Variants in KCNQ5 observed in about 807,000 individuals in gnomAD.
KCNQ5 encodes potassium voltage-gated channel subfamily Q member 5.
A neutral mutation model predicts 98.2 loss-of-function variants in KCNQ5; 30 were observed. The ratio of observed to expected loss-of-function variants is 0.31; its 90% CI spans 0.23 to 0.41. The LOEUF is 0.41. KCNQ5 is among the 10% of genes least tolerant of loss of function. KCNQ5 has a pLI of 1.00. For synonymous variants in KCNQ5, 458 were observed against 449.4 expected (o/e 1.02, Z -0.24); for missense variants, 835 against 1,182.5 (o/e 0.71, Z 4.31).
chr6:73,100,541 C>A (rs531874148), intron 5 of KCNQ5, among the ~76,000 whole-genome samples: 4 of 151,524 alleles, frequency 2.6e-5, no homozygotes, highest in Non-Finnish European at 4.4e-5. Context: ...TGGTGGCAGG[C>A]GCCTGTAGTC....
At chr6:73,092,180 G>C (rs1298452141) in intron 5 of KCNQ5, among the ~76,000 whole-genome samples, 1 of 151,526 alleles carries the variant, frequency 6.6e-6, no homozygotes, top group Non-Finnish European at 1.5e-5. Flanking sequence ...TTCTCAGCTT[G>C]GTCGCTGTTG....
chr6:73,146,626 C>CAAAAAAA lies in KCNQ5; in HGVS notation c.1468+13006_1468+13012dup, dbSNP rs58798764. Among the ~76,000 whole-genome samples the CAAAAAAA allele has an allele frequency of 1.4e-3, 41 of 28,480 alleles. 7 individuals carry two copies. Among genetic ancestry groups the CAAAAAAA allele is most frequent in the African/African-American group, 3.5e-3 (37 of 10,658 alleles). The allele number at this position is 28,480 out of a possible 152,430, so 18.7% of individuals were successfully genotyped here. On this transcript the variant is annotated intron_variant, in intron 10 of 13. Transcript: ENST00000370398. ...TGGGCAACAGAACAAGTCCCTGTCT[C>CAAAAAAA]AAAAAAAAAAAAAAAAAAAAAAAAA...
rs530738207 is a variant in KCNQ5 at position 72,826,885 on chromosome 6, C to G, written c.399-177023C>G. 8.5e-5 allele frequency among the ~76,000 whole-genome samples: 13 copies of G among 152,248 alleles called. No individual in the cohort carries two copies. In the South Asian group the frequency reaches 2.5e-3, roughly 29 times the overall value. ...TCTCCCTATCCCTCCCTTCCCCCTA[C>G]CCTCCCAAGCCTCCAGTTTCCTCTG... On this transcript the variant is annotated intron_variant, in intron 1 of 13. Coordinates refer to ENST00000370398, the MANE Select transcript of KCNQ5 (RefSeq NM_019842.4).
chr6:72,988,056 TG>T (rs988628673), intron 1 of KCNQ5, among the ~76,000 whole-genome samples: 3 of 152,140 alleles, frequency 2.0e-5, no homozygotes, highest in Non-Finnish European at 4.4e-5. Context: ...AGCTCATGTT[TG>T]GGGAGCCAGG....
intron 5 of KCNQ5, among the ~76,000 whole-genome samples, chr6:73,099,043 T>C (rs1470570451): frequency 6.6e-6 from 1 of 152,170 alleles, no homozygotes; most frequent in Non-Finnish European, 1.5e-5. Flanking sequence ...TTTCTTTTTG[T>C]TTATTTGTTT....
Position 73,133,484 on chromosome 6 carries a change from C to T in KCNQ5, c.1311C>T (p.Ser437=), listed in dbSNP as rs146011748. ...GCCCCAGGGGCCAGAGTATTAAGAG[C>T]CGACAAGCCTCAGTAGGTGACAGGA... is the stretch of plus-strand genomic sequence containing the variant. ...MASPRGQSIK[S]RQASVGDRRS... Residue 437 remains serine (S), a synonymous_variant, in exon 10 of 14, where the codon AGC becomes AGT. Coordinates refer to ENST00000370398, the MANE Select transcript of KCNQ5 (RefSeq NM_019842.4). 1,648 of 1,614,114 alleles carry T rather than the reference C, an allele frequency of 1.0e-3. 24 individuals are homozygous for T. Among genetic ancestry groups the T allele is most frequent in the South Asian group, 0.01 (915 of 91,080 alleles).
chr6:73,149,728 C>T (rs1218168168), intron 10 of KCNQ5, among the ~76,000 whole-genome samples: 2 of 144,664 alleles, frequency 1.4e-5, no homozygotes, highest in Non-Finnish European at 3.0e-5. Context: ...ACCTGGCAGG[C>T]GGAGGCTGCA....
chr6:72,798,107 C>T (rs953570350), intron 1 of KCNQ5, among the ~76,000 whole-genome samples: 6 of 152,154 alleles, frequency 3.9e-5, no homozygotes, highest in Non-Finnish European at 8.8e-5. Context: ...TCCTCTAATA[C>T]TTAAAAAACA....
intron 1 of KCNQ5, among the ~76,000 whole-genome samples, chr6:72,650,790 A>T (rs1582047687): frequency 1.3e-5 from 2 of 152,118 alleles, no homozygotes; most frequent in Non-Finnish European, 2.9e-5. Context: ...AGAAAGAAAT[A>T]TTCCTAGCCT....
intron 10 of KCNQ5, among the ~76,000 whole-genome samples, chr6:73,154,655 C>A (rs1777283870): frequency 6.6e-6 from 1 of 152,062 alleles, no homozygotes; most frequent in Non-Finnish European, 1.5e-5. Flanking sequence ...GATTGCATTT[C>A]CACCTAAAAA....
At chr6:72,752,899 T>A (rs1771758600) in intron 1 of KCNQ5, among the ~76,000 whole-genome samples, 1 of 152,132 alleles carries the variant, frequency 6.6e-6, no homozygotes, top group Non-Finnish European at 1.5e-5. Flanking sequence ...AATGAATTGA[T>A]CGAGGTTCTT....
At chr6:73,071,562 C>T (rs988410083) in intron 3 of KCNQ5, among the ~76,000 whole-genome samples, 2 of 152,210 alleles carry the variant, frequency 1.3e-5, no homozygotes, top group Non-Finnish European at 2.9e-5. Flanking sequence ...ATGGTGCCTG[C>T]ATCTGCTCCT....
chr6:72,987,323 G>A lies in KCNQ5; in HGVS notation c.399-16585G>A, dbSNP rs542219769. 302 of 704,730 alleles carry A rather than the reference G, an allele frequency of 4.3e-4. 2 individuals are homozygous for A. In the African/African-American group the frequency reaches 4.5e-3, roughly 11 times the overall value. The allele number at this position is 704,730 out of a possible 1,614,324, so 43.7% of individuals were successfully genotyped here. ...AAAAGAAAGGCAACATGGACGAGGC[G>A]CACATAGACCAGGTGAGGCGAAAGG... On this transcript the variant is annotated intron_variant, in intron 1 of 13. Transcript: ENST00000370398.
At chr6:72,773,295 G>A (rs973216230) in intron 1 of KCNQ5, among the ~76,000 whole-genome samples, 4 of 152,220 alleles carry the variant, frequency 2.6e-5, no homozygotes, top group South Asian at 2.1e-4. Context: ...GGAATACTAC[G>A]CAGCCATAAA....
intron 1 of KCNQ5, among the ~76,000 whole-genome samples, chr6:72,893,389 G>A (rs1452675626): frequency 1.3e-5 from 2 of 152,148 alleles, no homozygotes; most frequent in Admixed American, 6.5e-5. Flanking sequence ...GTGTGACAAT[G>A]GGCAGGAAAC....
chr6:73,076,323 A>T (rs1773541032), intron 3 of KCNQ5, among the ~76,000 whole-genome samples: 1 of 152,200 alleles, frequency 6.6e-6, no homozygotes, highest in Non-Finnish European at 1.5e-5. Flanking sequence ...GTGGAAGCCC[A>T]GTCATGCACA....
At chr6:73,112,470 C>T (rs1422448843) in intron 7 of KCNQ5, among the ~76,000 whole-genome samples, 3 of 151,970 alleles carry the variant, frequency 2.0e-5, no homozygotes, top group Non-Finnish European at 2.9e-5. Flanking sequence ...CTCAGCCTCC[C>T]GAGTAGCTGG....
chr6:72,731,996 T>C (rs1177767996), intron 1 of KCNQ5, among the ~76,000 whole-genome samples: 1 of 152,244 alleles, frequency 6.6e-6, no homozygotes, highest in Non-Finnish European at 1.5e-5. Context: ...TAGATATTGC[T>C]GCTTTGATTT....
At chr6:72,812,503 A>G (rs368891896) in intron 1 of KCNQ5, among the ~76,000 whole-genome samples, 1 of 152,230 alleles carries the variant, frequency 6.6e-6, no homozygotes, top group African/African-American at 2.4e-5. Flanking sequence ...GATGGATTTA[A>G]TGGCAAAACC....
Sources: gnomAD v4.1 joint callset for allele counts (sites outside exome capture counted in the v4.1 genomes callset) on GRCh38, gnomAD v4.1.1 for gene constraint, MANE v1.5 for transcripts, NCBI Gene and HGNC (gene_info 2026-07-23, HGNC 2026-07-21) for gene names.